NFKBIE: variants seen among roughly 807,000 people sequenced by gnomAD.
NFKBIE encodes the protein NFKB inhibitor epsilon, also known as NF-kappa-B inhibitor epsilon.
Under a neutral mutation model 31.6 loss-of-function variants are expected in NFKBIE, and 11 were observed. The ratio of observed to expected loss-of-function variants is 0.35; its 90% confidence interval spans 0.22 to 0.58. NFKBIE has a LOEUF of 0.58. Ranked by LOEUF, NFKBIE falls within the 20% of genes least tolerant of loss-of-function variation. The probability of loss-of-function intolerance (pLI) is 0.83; values close to 1 mark genes in which losing one functional copy is unlikely to be tolerated. For missense variants in NFKBIE, 354 were observed against 465.7 expected, an observed-to-expected ratio of 0.76 and a Z score of 2.21; for synonymous variants, 208 against 210.1, an observed-to-expected ratio of 0.99 and a Z score of 0.09.
Position 44,265,022 on chromosome 6 carries a change from G to A in NFKBIE, c.325C>T (p.Gln109Ter). 6.3e-7 allele frequency: 1 copy of A among 1,585,608 alleles called. No homozygotes were observed. The highest frequency in any genetic ancestry group is 8.6e-7 in the Non-Finnish European group (1 of 1,166,158). Residue 109 changes from glutamine (Q) to a stop codon, truncating the protein, a stop_gained, in exon 1 of 6, where the codon CAG becomes TAG. Transcript: ENST00000619360. LOFTEE classifies it high-confidence loss of function. ...LPHVGALSPQ[Q>*]LEALTYISED... ...GAGATGTAAGTGAGTGCTTCCAGCT[G>A]CTGAGGGCTCAGCGCCCCCACGTGG...
At position 44,261,484 on chromosome 6, in the gene NFKBIE, T is replaced by G. The variant is rs975304341; in HGVS notation, c.691+142A>C. The G allele has an allele frequency of 1.3e-5, 10 of 752,296 alleles. No homozygotes were observed. The East Asian group carries it at 1.9e-4, about 14-fold the overall frequency. The allele number at this position is 752,296 out of a possible 1,614,324, so 46.6% of individuals were successfully genotyped here. A position where few individuals can be genotyped will look rare whatever the true frequency, so the allele number is the denominator to read the frequency against. ...CATCCATTCATTCATTTGGCAAAGATGTACTGAATATCTATGTGCTTACAG... is the reference window on the plus strand; with the variant it reads ...CATCCATTCATTCATTTGGCAAAGAGGTACTGAATATCTATGTGCTTACAG... On this transcript the variant is annotated intron_variant, in intron 3 of 5. Coordinates refer to ENST00000619360, the MANE Select transcript of NFKBIE (RefSeq NM_004556.3). The surrounding 1 kb of genome is among the most constrained non-coding windows in gnomAD (Gnocchi z 4.3).
At position 44,259,071 on chromosome 6, in the gene NFKBIE, A is replaced by C; in HGVS notation, c.*148T>G. 1 of 739,458 alleles carries C rather than the reference A, an allele frequency of 1.4e-6. No homozygotes were observed. Among genetic ancestry groups the C allele is most frequent in the South Asian group, 1.5e-5 (1 of 65,226 alleles). 45.8% of individuals were successfully genotyped at this position (739,458 alleles called of 1,614,324 possible). On this transcript the variant is annotated 3_prime_UTR_variant, in exon 6 of 6. Coordinates refer to ENST00000619360, the MANE Select transcript of NFKBIE (RefSeq NM_004556.3). Reference sequence around the variant, plus strand: ...ACTTGCAGTCCCTCCTCCTCGGCTCAGGACTGTACTGGCTGGCCCCAGGCT... The same window carrying C: ...ACTTGCAGTCCCTCCTCCTCGGCTCCGGACTGTACTGGCTGGCCCCAGGCT...
Position 44,263,772 on chromosome 6 carries a change from C to T in NFKBIE, c.366-1110G>A, listed in dbSNP as rs1782013003. ...CTGGGGACTCGCTGGGGAGCCCGGACATTTCTCCCCTCCACACACACACCC... is the reference window on the plus strand; with the variant it reads ...CTGGGGACTCGCTGGGGAGCCCGGATATTTCTCCCCTCCACACACACACCC... On this transcript the variant is annotated intron_variant, in intron 1 of 5. Coordinates refer to ENST00000619360, the MANE Select transcript of NFKBIE (RefSeq NM_004556.3). The surrounding 1 kb of genome is among the most constrained non-coding windows in gnomAD (Gnocchi z 5.0). 6.6e-6 allele frequency among the ~76,000 whole-genome samples: 1 copy of T among 152,086 alleles called. No individual in the cohort carries two copies. The highest frequency in any genetic ancestry group is 2.4e-5 in the African/African-American group (1 of 41,394).
chr6:44,262,828 G>A (rs1287010198), intron 1 of NFKBIE, among the ~76,000 whole-genome samples, 166 bp from the exon 2 acceptor site: 3 of 152,162 alleles, frequency 2.0e-5, no homozygotes, highest in Non-Finnish European at 2.9e-5. Context: ...GGGAAGCCAG[G>A]ATCCTAGGGT....
Position 44,265,067 on chromosome 6 carries a change from C to T in NFKBIE, c.280G>A (p.Ala94Thr). The change falls in exon 1 of 6, where the codon GCC becomes ACC. Residue 94 changes from alanine to threonine, a missense_variant. Physicochemically the swap from Ala to Thr is moderately conservative, Grantham distance 58. Around this residue, in one of 2 missense-constraint regions of NFKBIE, gnomAD observed 171 missense variants for 155.1 expected, o/e 1.10. Coordinates refer to ENST00000619360, the MANE Select transcript of NFKBIE (RefSeq NM_004556.3). ...ACGTGGGGGAGTGGCAGGCGTGGGGCCGGGTCCTCAGCCTCGGGGCCCCCC... is the reference window on the plus strand; with the variant it reads ...ACGTGGGGGAGTGGCAGGCGTGGGGTCGGGTCCTCAGCCTCGGGGCCCCCC... ...LLGGPEAEDPAPRLPLPHVGA... is the reference protein window; with the variant it reads ...LLGGPEAEDPTPRLPLPHVGA... 5 of 1,568,772 alleles carry T rather than the reference C, an allele frequency of 3.2e-6. No homozygotes were observed. The highest frequency in any genetic ancestry group is 4.3e-6 in the Non-Finnish European group (5 of 1,156,390).
intron 5 of NFKBIE, 109 bp downstream of exon 5, chr6:44,259,934 C>T (rs895544508): frequency 2.7e-6 from 4 of 1,469,262 alleles, no homozygotes; most frequent in Non-Finnish European, 3.6e-6. Flanking sequence ...GTGGCAGAGT[C>T]CTGGTTATAC....
Position 44,260,398 on chromosome 6 carries a change from G to A in NFKBIE, c.780+53C>T. The stretch of plus-strand genomic sequence containing the variant: ...ACTGCTGGGCAGGGGACTTGGGGAT[G>A]TGTCAGGTGGGGGCAGGCCCTGGGC... On this transcript the variant is annotated intron_variant, in intron 4 of 5. Transcript: ENST00000619360. The surrounding 1 kb of genome is among the most constrained non-coding windows in gnomAD (Gnocchi z 5.5). 1 of 1,613,464 alleles carries A rather than the reference G, an allele frequency of 6.2e-7. No homozygotes were observed. The highest frequency in any genetic ancestry group is 1.1e-5 in the South Asian group (1 of 91,058).
intron 5 of NFKBIE, 115 bp downstream of exon 5, chr6:44,259,928 C>A (rs370524555): frequency 1.4e-6 from 2 of 1,431,022 alleles, no homozygotes; most frequent in African/African-American, 1.4e-5. Context: ...TGGTCAGTGG[C>A]AGAGTCCTGG....
In NFKBIE at chr6:44,260,631, G is replaced by T; in HGVS notation, c.692-92C>A. The T allele has an allele frequency of 1.7e-6, 2 of 1,182,910 alleles. No individual in the cohort carries two copies. The highest frequency in any genetic ancestry group is 2.5e-6 in the Non-Finnish European group (2 of 794,856). The allele number at this position is 1,182,910 out of a possible 1,614,324, so 73.3% of individuals were successfully genotyped here. ...ACCTCCCTACCACTCAGCCCCAAGGGACTCACAGCCCACTCAATGTCTCTA... is the reference window on the plus strand; with the variant it reads ...ACCTCCCTACCACTCAGCCCCAAGGTACTCACAGCCCACTCAATGTCTCTA... On this transcript the variant is annotated intron_variant, in intron 3 of 5. Transcript: ENST00000619360. This position sits in a 1 kb window ranked among gnomAD's most constrained non-coding sequence, Gnocchi z 5.5.
chr6:44,262,476 G>T, intron 2 of NFKBIE, 84 bp downstream of exon 2: 1 of 1,184,004 alleles, frequency 8.4e-7, no homozygotes, highest in Non-Finnish European at 1.2e-6. Context: ...TCCTAAGTGA[G>T]CAGCCTTTGG....
Position 44,265,348 on chromosome 6 carries a change from C to T in NFKBIE, c.-2G>A, listed in dbSNP as rs1353456527. The T allele has an allele frequency of 1.3e-6, 2 of 1,557,726 alleles. No homozygotes were observed. The highest frequency in any genetic ancestry group is 1.7e-6 in the Non-Finnish European group (2 of 1,157,276). On this transcript the variant is annotated 5_prime_UTR_variant, in exon 1 of 6. Coordinates refer to ENST00000619360, the MANE Select transcript of NFKBIE (RefSeq NM_004556.3). ...CGGCCCCTTCCGCGCCTCCGACATG[C>T]CCGCGGCTCTGGCCGGCCGGGGCCC...
Position 44,261,599 on chromosome 6 carries a change from A to AT in NFKBIE, c.691+26_691+27insA. On this transcript the variant is annotated intron_variant, in intron 3 of 5. Coordinates refer to ENST00000619360, the MANE Select transcript of NFKBIE (RefSeq NM_004556.3). This position sits in a 1 kb window ranked among gnomAD's most constrained non-coding sequence, Gnocchi z 4.3. ...ATGCCCTCCTCATCCCACAGGCCCT[A>AT]AGGGCAGTCTTAAAGACTGTCCACA... 1 of 1,606,846 alleles carries AT rather than the reference A, an allele frequency of 6.2e-7. No individual in the cohort carries two copies. Among genetic ancestry groups the AT allele is most frequent in the Middle Eastern group, 1.7e-4 (1 of 6,048 alleles).
In NFKBIE at chr6:44,258,821, C is replaced by G. The variant is rs1235390308; in HGVS notation, c.*398G>C. The stretch of plus-strand genomic sequence containing the variant: ...TCCTCAACAGCAATAAGATGGGACA[C>G]CTCTCAGGGTTCTGCTTGCTCCTAT... On this transcript the variant is annotated 3_prime_UTR_variant, in exon 6 of 6. Transcript: ENST00000619360. 4 of 168,018 alleles carry G rather than the reference C, an allele frequency of 2.4e-5. No homozygotes were observed. The highest frequency in any genetic ancestry group is 5.8e-5 in the Admixed American group (1 of 17,232). 10.4% of individuals were successfully genotyped at this position (168,018 alleles called of 1,614,324 possible). A position where few individuals can be genotyped will look rare whatever the true frequency, so the allele number is the denominator to read the frequency against.
chr6:44,265,368 G>C lies in NFKBIE; in HGVS notation c.-22C>G, dbSNP rs1003427606. 5.8e-6 allele frequency: 9 copies of C among 1,561,954 alleles called. No homozygotes were observed. The highest frequency in any genetic ancestry group is 1.4e-5 in the African/African-American group (1 of 73,864). On this transcript the variant is annotated 5_prime_UTR_variant, in exon 1 of 6. Coordinates refer to ENST00000619360, the MANE Select transcript of NFKBIE (RefSeq NM_004556.3). ...ACATGCCCGCGGCTCTGGCCGGCCGGGGCCCGGTCTGAGCAGGATCCGGCT... is the reference window on the plus strand; with the variant it reads ...ACATGCCCGCGGCTCTGGCCGGCCGCGGCCCGGTCTGAGCAGGATCCGGCT...
intron 5 of NFKBIE, 130 bp downstream of exon 5, chr6:44,259,913 A>C: frequency 1.5e-6 from 2 of 1,354,202 alleles, no homozygotes; most frequent in Non-Finnish European, 2.0e-6. Flanking sequence ...TCAAGTTCCC[A>C]CAGTTGGTCA....
In NFKBIE at chr6:44,261,499, T is replaced by A; in HGVS notation, c.691+127A>T. 1.2e-6 allele frequency: 1 copy of A among 850,906 alleles called. No homozygotes were observed. The highest frequency in any genetic ancestry group is 1.8e-6 in the Non-Finnish European group (1 of 540,942). The allele number at this position is 850,906 out of a possible 1,614,324, so 52.7% of individuals were successfully genotyped here. On this transcript the variant is annotated intron_variant, in intron 3 of 5. Coordinates refer to ENST00000619360, the MANE Select transcript of NFKBIE (RefSeq NM_004556.3). The surrounding 1 kb of genome is among the most constrained non-coding windows in gnomAD (Gnocchi z 4.3). ...TTGGCAAAGATGTACTGAATATCTA[T>A]GTGCTTACAGTGGGAGGGGCACCAA...
chr6:44,265,196 G>A lies in NFKBIE; in HGVS notation c.151C>T (p.Pro51Ser). Residue 51 changes from proline (P) to serine (S), a missense_variant, in exon 1 of 6, where the codon CCT becomes TCT. Pro to Ser is a moderately conservative substitution (Grantham distance 74, BLOSUM62 -1). Around this residue, in one of 2 missense-constraint regions of NFKBIE, gnomAD observed 171 missense variants for 155.1 expected, o/e 1.10. Transcript: ENST00000619360. ...TGTGGTTCCTTGACGGGTCCCGGAG[G>A]ATGGGTGCAGGGCTGGGGGCTGCCG... Reference protein sequence around the residue: ...SDGSPQPCTHPPGPVKEPQEK... With the variant: ...SDGSPQPCTHSPGPVKEPQEK... 1 of 1,551,852 alleles carries A rather than the reference G, an allele frequency of 6.4e-7. No homozygotes were observed. Among genetic ancestry groups the A allele is most frequent in the Non-Finnish European group, 8.7e-7 (1 of 1,147,068 alleles).
chr6:44,260,390 T>C lies in NFKBIE; in HGVS notation c.780+61A>G, dbSNP rs1781852805. 8.1e-6 allele frequency: 13 copies of C among 1,613,440 alleles called. No individual in the cohort carries two copies. The highest frequency in any genetic ancestry group is 1.0e-5 in the Non-Finnish European group (12 of 1,179,524). ...CACTTCTGACTGCTGGGCAGGGGAC[T>C]TGGGGATGTGTCAGGTGGGGGCAGG... On this transcript the variant is annotated intron_variant, in intron 4 of 5. Transcript: ENST00000619360. This position sits in a 1 kb window ranked among gnomAD's most constrained non-coding sequence, Gnocchi z 5.5.
chr6:44,260,211 C>A lies in NFKBIE; in HGVS notation c.852G>T (p.Leu284=). 1 of 1,614,192 alleles carries A rather than the reference C, an allele frequency of 6.2e-7. No individual in the cohort carries two copies. Among genetic ancestry groups the A allele is most frequent in the South Asian group, 1.1e-5 (1 of 91,088 alleles). ...ETQERGLVQF[L]LQAGAQVDAR... ...CATCTACCTGGGCACCAGCCTGGAG[C>A]AGGAACTGTACCAGGCCCCGCTCTT... Residue 284 remains leucine, a synonymous_variant, in exon 5 of 6, where the codon CTG becomes CTT. Transcript: ENST00000619360. The surrounding 1 kb of genome is among the most constrained non-coding windows in gnomAD (Gnocchi z 5.5).
Sources: allele counts gnomAD v4.1 joint callset (sites outside exome capture counted in the v4.1 genomes callset), GRCh38; gene constraint gnomAD v4.1.1; regional missense constraint gnomAD v4.1.1; non-coding constraint Gnocchi (gnomAD v3.1); transcripts MANE v1.5; gene names NCBI Gene and HGNC (gene_info 2026-07-23, HGNC 2026-07-21).